The following NELL2 variants were observed in gnomAD, a reference collection of about 807,000 sequenced individuals.
NELL2 encodes the protein neural EGFL like 2.
In NELL2, 41 loss-of-function variants were observed where a neutral mutation model predicts 109.6. The ratio of observed to expected loss-of-function variants is 0.37; its 90% CI spans 0.29 to 0.49. The LOEUF (loss-of-function observed/expected upper bound fraction) is 0.49. Ranked by LOEUF, NELL2 falls within the 20% of genes least tolerant of loss-of-function variation. The pLI, the probability that NELL2 is intolerant of heterozygous loss-of-function variation, is 0.98. For missense variants in NELL2, 900 were observed against 1,008.3 expected (o/e 0.89, Z 1.45); for synonymous variants, 355 against 344.7 (o/e 1.03, Z -0.33).
intron 12 of NELL2, 26 bp downstream of exon 12, chr12:44,703,700 G>C (rs543661495): frequency 6.2e-7 from 1 of 1,611,964 alleles, no homozygotes; most frequent in African/African-American, 1.3e-5. Flanking sequence ...TTATACAGCT[G>C]AGCTACACAT....
chr12:44,607,670 A>G (rs1945455959), intron 14 of NELL2, among the ~76,000 whole-genome samples: 2 of 152,110 alleles, frequency 1.3e-5, no homozygotes, highest in South Asian at 4.1e-4. Context: ...GTTGAATCCC[A>G]TGAGGCTCTG....
chr12:44,580,579 G>A (rs75313045), intron 15 of NELL2, among the ~76,000 whole-genome samples: 9,623 of 152,064 alleles, frequency 0.063, 954 homozygotes, highest in African/African-American at 0.22. Context: ...TTAGTGTGGT[G>A]GTGGGCACCT....
At chr12:44,679,778 T>TGCTTA (rs1948435928) in intron 12 of NELL2, among the ~76,000 whole-genome samples, 1 of 152,100 alleles carries the variant, frequency 6.6e-6, no homozygotes, top group African/African-American at 2.4e-5. Flanking sequence ...CCTTTCCCTT[T>TGCTTA]GCTTACTCTT....
intron 2 of NELL2, among the ~76,000 whole-genome samples, chr12:44,832,636 G>A (rs1021128390): frequency 8.5e-5 from 13 of 152,182 alleles, no homozygotes; most frequent in African/African-American, 3.1e-4. Flanking sequence ...TTACAGATTC[G>A]TTTTGTCCTC....
chr12:44,877,705 G>A (rs553689735), upstream of NELL2, among the ~76,000 whole-genome samples: 341 of 152,012 alleles, frequency 2.2e-3, 2 homozygotes, highest in African/African-American at 7.3e-3. Context: ...TCTGCCCTTA[G>A]AATTTTTAAG....
At chr12:44,687,005 T>G (rs192729554) in intron 12 of NELL2, among the ~76,000 whole-genome samples, 57 of 152,114 alleles carry the variant, frequency 3.7e-4, no homozygotes, top group Non-Finnish European at 7.4e-4. Flanking sequence ...TGGGCGCCCC[T>G]CCCCGAGCCC....
chr12:44,688,999 CTCAAAG>C (rs1165742927), intron 12 of NELL2, among the ~76,000 whole-genome samples: 2 of 152,192 alleles, frequency 1.3e-5, no homozygotes, highest in Non-Finnish European at 2.9e-5. Context: ...CCAAACAAAA[CTCAAAG>C]TCATACCAGA....
intron 12 of NELL2, among the ~76,000 whole-genome samples, chr12:44,686,234 C>G (rs1046648834): frequency 2.6e-5 from 4 of 152,178 alleles, no homozygotes; most frequent in Non-Finnish European, 1.5e-5. Context: ...GCATTCTTCA[C>G]GTAGTTCTCG....
intron 15 of NELL2, among the ~76,000 whole-genome samples, chr12:44,568,126 C>T (rs1301300576): frequency 1.3e-5 from 2 of 151,420 alleles, no homozygotes; most frequent in African/African-American, 2.4e-5. Context: ...GCAGATGAGA[C>T]AAAGGTTGAA....
intron 13 of NELL2, among the ~76,000 whole-genome samples, chr12:44,611,891 A>G (rs1304213295): frequency 6.6e-6 from 1 of 152,100 alleles, no homozygotes; most frequent in Non-Finnish European, 1.5e-5. Context: ...AGGAAATGCA[A>G]TATGTGAGAA....
intron 2 of NELL2, among the ~76,000 whole-genome samples, chr12:44,856,873 A>G (rs1348332242): frequency 6.6e-6 from 1 of 152,216 alleles, no homozygotes; most frequent in African/African-American, 2.4e-5. Flanking sequence ...TCTGGCAACT[A>G]TGTGAAGGAC....
At chr12:44,660,111 G>A (rs1947684625) in intron 13 of NELL2, among the ~76,000 whole-genome samples, 1 of 152,074 alleles carries the variant, frequency 6.6e-6, no homozygotes, top group Admixed American at 6.6e-5. Context: ...GGTCCTTTTT[G>A]TGGCCAAAGG....
chr12:44,586,398 TA>T (rs1198173008), intron 15 of NELL2, among the ~76,000 whole-genome samples: 10 of 151,418 alleles, frequency 6.6e-5, no homozygotes, highest in Non-Finnish European at 4.4e-5. Flanking sequence ...ACATGAGTCT[TA>T]AAATTTTCTT....
chr12:44,586,215 T>C (rs1944492966), intron 15 of NELL2, among the ~76,000 whole-genome samples: 1 of 148,502 alleles, frequency 6.7e-6, no homozygotes, highest in Non-Finnish European at 1.5e-5. Context: ...ATATATATAA[T>C]CATATATATC....
intron 9 of NELL2, among the ~76,000 whole-genome samples, chr12:44,750,010 A>G (rs1226399610): frequency 1.3e-5 from 2 of 152,106 alleles, no homozygotes; most frequent in African/African-American, 4.8e-5. Context: ...AGGTATATAT[A>G]TCAAGATATA....
At chr12:44,614,086 G>A (rs977983950) in intron 13 of NELL2, among the ~76,000 whole-genome samples, 1 of 151,958 alleles carries the variant, frequency 6.6e-6, no homozygotes, top group African/African-American at 2.4e-5. Flanking sequence ...ATATTGAAAG[G>A]CAGACATTCA....
intron 15 of NELL2, among the ~76,000 whole-genome samples, chr12:44,549,327 C>A (rs777484075): frequency 1.4e-4 from 21 of 152,054 alleles, no homozygotes; most frequent in African/African-American, 2.4e-5. Context: ...TGTGGCACTG[C>A]CAGTCTCTTA....
chr12:44,706,541 T>C (rs1937889350), intron 11 of NELL2, among the ~76,000 whole-genome samples: 1 of 152,182 alleles, frequency 6.6e-6, no homozygotes, highest in Non-Finnish European at 1.5e-5. Context: ...TGTAAATTAC[T>C]AACTGTACAT....
At chr12:44,742,640 C>A (rs1447214577) in intron 9 of NELL2, among the ~76,000 whole-genome samples, 2 of 151,064 alleles carry the variant, frequency 1.3e-5, no homozygotes, top group East Asian at 3.9e-4. Context: ...AAAACCAAGA[C>A]ACTACGTGAC....
Sources: allele counts gnomAD v4.1 joint callset (sites outside exome capture counted in the v4.1 genomes callset), GRCh38; gene constraint gnomAD v4.1.1; transcripts MANE v1.5; gene names NCBI Gene and HGNC (gene_info 2026-07-23, HGNC 2026-07-21).